SLC2A14: variants seen among roughly 807,000 people sequenced by gnomAD.
The protein encoded by SLC2A14 is solute carrier family 2 member 14.
SLC2A14 carries 13 observed loss-of-function variants against 43.0 expected under a neutral mutation model. That is an observed-to-expected ratio of 0.30 (90% CI 0.20 to 0.48). SLC2A14 has a LOEUF of 0.48. Ranked by LOEUF, SLC2A14 falls within the 20% of genes least tolerant of loss-of-function variation. The pLI, the probability that SLC2A14 is intolerant of heterozygous loss-of-function variation, is 0.99. For missense variants in SLC2A14, 428 were observed against 620.4 expected, an observed-to-expected ratio of 0.69 and a Z score of 3.29; for synonymous variants, 190 against 233.8, an observed-to-expected ratio of 0.81 and a Z score of 1.71.
chr12:7,877,288 A>G (rs1473901840), upstream of SLC2A14, among the ~76,000 whole-genome samples: 1 of 151,828 alleles, frequency 6.6e-6, no homozygotes, highest in Non-Finnish European at 1.5e-5. Context: ...GTGAGCCACC[A>G]TGTCTGGCCA....
At chr12:7,844,555 T>C (rs982376713) in intron 2 of SLC2A14, among the ~76,000 whole-genome samples, 6 of 151,648 alleles carry the variant, frequency 4.0e-5, no homozygotes, top group Admixed American at 1.3e-4. Context: ...TTTTTTTTTT[T>C]AGACAGGGTC....
In SLC2A14 at chr12:7,833,299, G is replaced by T. The variant is rs987280842; in HGVS notation, c.19-485C>A. Among the ~76,000 whole-genome samples the T allele has an allele frequency of 4.6e-5, 7 of 152,178 alleles. 1 individual carries two copies. In the South Asian group the frequency reaches 1.2e-3, roughly 27 times the overall value. ...GGTGGTAGTAGTTTGTGTCTTCACT[G>T]CTGGGTGGCTCTTTGAGTCTCTTAT... is the stretch of plus-strand genomic sequence containing the variant. On this transcript the variant is annotated intron_variant, in intron 2 of 10. Coordinates refer to ENST00000431042, the MANE Select transcript of SLC2A14 (RefSeq NM_001286234.2).
At chr12:7,816,783 C>T (rs149628836) in intron 10 of SLC2A14, among the ~76,000 whole-genome samples, 3,122 of 152,020 alleles carry the variant, frequency 0.021, 95 homozygotes, top group African/African-American at 0.071. Flanking sequence ...TCTTGGCTCA[C>T]CACGAACTCC....
At chr12:7,818,929 T>C (rs960429139) in intron 9 of SLC2A14, among the ~76,000 whole-genome samples, 1 of 151,766 alleles carries the variant, frequency 6.6e-6, no homozygotes, top group Non-Finnish European at 1.5e-5. Flanking sequence ...TTTTAAGAAT[T>C]AAATTAGGCA....
intron 1 of SLC2A14, among the ~76,000 whole-genome samples, chr12:7,888,653 C>T (rs1302014584): frequency 6.6e-6 from 1 of 151,862 alleles, no homozygotes; most frequent in Non-Finnish European, 1.5e-5. Flanking sequence ...CAAAAATTAG[C>T]CAGGCGTGGT....
At chr12:7,816,295 G>A (rs1215238455) in intron 10 of SLC2A14, among the ~76,000 whole-genome samples, 2 of 77,660 alleles carry the variant, frequency 2.6e-5, no homozygotes, top group Non-Finnish European at 5.1e-5. Flanking sequence ...TAGTAGAGAC[G>A]GGGTTTCACC....
intron 9 of SLC2A14, 140 bp from the exon 10 acceptor site, chr12:7,818,174 T>C: frequency 2.6e-6 from 2 of 760,002 alleles, no homozygotes; most frequent in Non-Finnish European, 4.2e-6. Flanking sequence ...AAGGCTTGGA[T>C]TTATTTTTAT....
intron 7 of SLC2A14, 126 bp from the exon 8 acceptor site, chr12:7,821,451 G>A: frequency 1.4e-6 from 1 of 739,862 alleles, no homozygotes; most frequent in South Asian, 1.7e-5. Context: ...GGGAGGCCAA[G>A]GCAAGCAGAT....
intron 7 of SLC2A14, among the ~76,000 whole-genome samples, chr12:7,825,885 G>A (rs987316158): frequency 5.9e-5 from 9 of 151,978 alleles, no homozygotes; most frequent in African/African-American, 2.2e-4. Context: ...TCCCACAGGT[G>A]ATTTTTTTCT....
At chr12:7,870,935 G>A (rs946637860) in intron 1 of SLC2A14, 5 of 1,425,064 alleles carry the variant, frequency 3.5e-6, no homozygotes, top group South Asian at 2.3e-5. Context: ...CGTGATGTTC[G>A]ACCAGTTCCA....
intron 6 of SLC2A14, 104 bp downstream of exon 6, chr12:7,828,600 T>C: frequency 1.6e-6 from 2 of 1,235,924 alleles, no homozygotes; most frequent in South Asian, 3.0e-5. Context: ...ACTTGGATTC[T>C]GACGGGCAGG....
At chr12:7,888,031 C>A (rs1387031824) in intron 1 of SLC2A14, among the ~76,000 whole-genome samples, 2 of 152,082 alleles carry the variant, frequency 1.3e-5, no homozygotes, top group Admixed American at 1.3e-4. Flanking sequence ...GTTGGCCCCT[C>A]ATTGATCCAG....
intron 1 of SLC2A14, among the ~76,000 whole-genome samples, chr12:7,883,142 G>C (rs890882500): frequency 6.6e-6 from 1 of 151,956 alleles, no homozygotes; most frequent in Non-Finnish European, 1.5e-5. Flanking sequence ...CCAGAAGTCA[G>C]AGGTTGCAGT....
chr12:7,834,778 A>G (rs143174791), intron 2 of SLC2A14, among the ~76,000 whole-genome samples: 2 of 152,266 alleles, frequency 1.3e-5, no homozygotes, highest in East Asian at 3.9e-4. Flanking sequence ...AATGGCACCT[A>G]GGAGGAACCT....
chr12:7,846,367 C>A (rs1866462969), intron 2 of SLC2A14, among the ~76,000 whole-genome samples: 1 of 151,442 alleles, frequency 6.6e-6, no homozygotes, highest in African/African-American at 2.4e-5. Context: ...ACTCACTCAA[C>A]AACCCTTCCC....
chr12:7,816,543 T>C (rs1040566387), intron 10 of SLC2A14, among the ~76,000 whole-genome samples: 4 of 151,484 alleles, frequency 2.6e-5, no homozygotes, highest in Non-Finnish European at 5.9e-5. Flanking sequence ...ATCTTCTTTT[T>C]TCTTCTTCAC....
At chr12:7,827,122 T>C (rs968223174) in intron 7 of SLC2A14, among the ~76,000 whole-genome samples, 3 of 150,338 alleles carry the variant, frequency 2.0e-5, no homozygotes, top group Admixed American at 6.7e-5. Context: ...TCTTTTTATT[T>C]CTTTCTATAA....
At chr12:7,860,706 A>C (rs1944500669) in intron 2 of SLC2A14, 1 of 152,726 alleles carries the variant, frequency 6.5e-6, no homozygotes, top group Non-Finnish European at 1.5e-5. Flanking sequence ...ACTGCCTCAC[A>C]CAGTCCTTCT....
upstream of SLC2A14, chr12:7,873,119 A>T: frequency 4.1e-6 from 4 of 985,478 alleles, no homozygotes; most frequent in Non-Finnish European, 4.8e-6. Context: ...GCTGCTGGGG[A>T]TCCCTCCGAG....
Sources: gnomAD v4.1 joint callset for allele counts (sites outside exome capture counted in the v4.1 genomes callset) on GRCh38, gnomAD v4.1.1 for gene constraint, MANE v1.5 for transcripts, NCBI Gene and HGNC (gene_info 2026-07-23, HGNC 2026-07-21) for gene names.